COL22A1: variants seen among roughly 807,000 people sequenced by gnomAD.
The protein encoded by COL22A1 is collagen type XXII alpha 1 chain.
In COL22A1, 221 loss-of-function variants were observed where a neutral mutation model predicts 248.9. The observed-to-expected ratio is 0.89, with a 90% CI of 0.80 to 0.99. The LOEUF is 0.99. Among genes scored for constraint, COL22A1 ranks in the 50% least tolerant of loss-of-function variants. COL22A1 has a pLI of 0.00. For synonymous variants in COL22A1, 891 were observed against 793.4 expected (o/e 1.12, Z -2.07); for missense variants, 2,240 against 2,179.0 (o/e 1.03, Z -0.56).
intron 31 of COL22A1, among the ~76,000 whole-genome samples, chr8:138,703,097 G>T (rs1419424575): frequency 6.6e-6 from 1 of 152,176 alleles, no homozygotes; most frequent in Non-Finnish European, 1.5e-5. Context: ...ATAAATAATT[G>T]TGCTTTTGCT....
At chr8:138,765,901 A>T (rs781507641) in intron 16 of COL22A1, among the ~76,000 whole-genome samples, 2 of 152,188 alleles carry the variant, frequency 1.3e-5, no homozygotes, top group Non-Finnish European at 2.9e-5. Flanking sequence ...AGACAGTGTG[A>T]GAGTAAGCTG....
At chr8:138,740,680 A>G (rs577548642) in intron 22 of COL22A1, among the ~76,000 whole-genome samples, 13 of 152,322 alleles carry the variant, frequency 8.5e-5, no homozygotes, top group South Asian at 8.3e-4. Flanking sequence ...AAACACATCT[A>G]TGGAAGCAGA....
intron 3 of COL22A1, among the ~76,000 whole-genome samples, chr8:138,865,503 ATGTT>A (rs1178278127): frequency 4.9e-5 from 7 of 143,222 alleles, no homozygotes; most frequent in Non-Finnish European, 1.0e-4. Context: ...ATGTGTGTGT[ATGTT>A]TGTATGCCTG....
Position 138,669,716 on chromosome 8 carries a change from G to T in COL22A1, c.3151-5976C>A, listed in dbSNP as rs1188165451. On this transcript the variant is annotated intron_variant, in intron 41 of 64. Coordinates refer to ENST00000303045, the MANE Select transcript of COL22A1 (RefSeq NM_152888.3). ...TGGACTGCCGGGAAGACCAGGGAAG[G>T]CAGTGGCATGTCAAGCCAAGTGCCC... Among the ~76,000 whole-genome samples, 3 of 152,146 alleles carry T rather than the reference G, an allele frequency of 2.0e-5. No homozygotes were observed. In the East Asian group the frequency reaches 5.8e-4, roughly 29 times the overall value.
In COL22A1 at chr8:138,591,447, T is replaced by A; in HGVS notation, c.4670A>T (p.Glu1557Val). The change falls in exon 64 of 65, where the codon GAG becomes GTG. Residue 1557 changes from glutamate to valine, a missense_variant. Glu to Val is a moderately radical substitution (Grantham distance 121, BLOSUM62 -2). Transcript: ENST00000303045. Reference protein sequence around the residue: ...PGAPGVGLRGEMGPPGIPGQP... With the variant: ...PGAPGVGLRGVMGPPGIPGQP... ...ACCTGGGATTCCAGGGGGTCCCATC[T>A]CGCCTCGGAGGCCAACTCCAGGTGC... The A allele has an allele frequency of 6.3e-7, 1 of 1,581,850 alleles. No homozygotes were observed. Among genetic ancestry groups the A allele is most frequent in the Non-Finnish European group, 8.6e-7 (1 of 1,163,922 alleles).
chr8:138,752,954 C>T (rs900205260), intron 21 of COL22A1, among the ~76,000 whole-genome samples: 2 of 152,218 alleles, frequency 1.3e-5, no homozygotes, highest in Admixed American at 6.5e-5. Context: ...CTCCATGGGG[C>T]TCTGCCTCAG....
chr8:138,832,971 G>A (rs1483864008), intron 5 of COL22A1, 68 bp downstream of exon 5: 27 of 1,039,694 alleles, frequency 2.6e-5, no homozygotes, highest in East Asian at 1.9e-4. Flanking sequence ...GAAACAGGCT[G>A]CTGGGCCCCT....
chr8:138,669,480 A>C (rs1207999401), intron 41 of COL22A1, among the ~76,000 whole-genome samples: 1 of 152,194 alleles, frequency 6.6e-6, no homozygotes, highest in Non-Finnish European at 1.5e-5. Flanking sequence ...TCCTCCCACC[A>C]TGCCACGAAG....
At position 138,761,059 on chromosome 8, in the gene COL22A1, A is replaced by C. The variant is rs539058527; in HGVS notation, c.1858-772T>G. Among the ~76,000 whole-genome samples the C allele has an allele frequency of 3.9e-5, 6 of 152,292 alleles. No individual in the cohort carries two copies. The South Asian group carries it at 6.2e-4, about 16-fold the overall frequency. ...TAGACATGCGTTCAAGGATGCATGC[A>C]AAGCACCCTCACTTCCTCTGTACTC... is the stretch of plus-strand genomic sequence containing the variant. On this transcript the variant is annotated intron_variant, in intron 17 of 64. Transcript: ENST00000303045.
intron 61 of COL22A1, among the ~76,000 whole-genome samples, chr8:138,598,200 A>G (rs1252752255): frequency 6.6e-6 from 1 of 152,034 alleles, no homozygotes; most frequent in Admixed American, 6.6e-5. Context: ...AACCATCATC[A>G]CTCTAAATAA....
intron 18 of COL22A1, among the ~76,000 whole-genome samples, chr8:138,759,772 T>C (rs889296485): frequency 1.3e-5 from 2 of 152,162 alleles, no homozygotes; most frequent in African/African-American, 4.8e-5. Context: ...CCTTATTTTG[T>C]TTTTCAAATA....
chr8:138,910,589 T>C (rs913521014), intron 1 of COL22A1, among the ~76,000 whole-genome samples: 1 of 152,192 alleles, frequency 6.6e-6, no homozygotes, highest in African/African-American at 2.4e-5. Flanking sequence ...GCAGTTATCT[T>C]TATCTGGTAA....
intron 1 of COL22A1, among the ~76,000 whole-genome samples, chr8:138,891,433 C>T (rs1431677053): frequency 6.6e-6 from 1 of 152,226 alleles, no homozygotes; most frequent in Non-Finnish European, 1.5e-5. Flanking sequence ...CGCCAAAGCC[C>T]CTGCTCTTCC....
chr8:138,665,012 A>C (rs957139638), intron 41 of COL22A1, among the ~76,000 whole-genome samples: 1 of 152,226 alleles, frequency 6.6e-6, no homozygotes, highest in Non-Finnish European at 1.5e-5. Context: ...CCGAGAGAGC[A>C]AAATGATTTC....
intron 16 of COL22A1, among the ~76,000 whole-genome samples, chr8:138,774,251 T>A (rs1814173184): frequency 6.6e-6 from 1 of 152,052 alleles, no homozygotes; most frequent in South Asian, 2.1e-4. Context: ...CCCGCCTCCC[T>A]GAATGAAAAG....
chr8:138,776,230 G>T (rs543395961), intron 15 of COL22A1, among the ~76,000 whole-genome samples: 1 of 152,176 alleles, frequency 6.6e-6, no homozygotes, highest in Non-Finnish European at 1.5e-5. Flanking sequence ...AGAGTGAGAC[G>T]TGAGTTCCTG....
chr8:138,678,496 A>G (rs1825732547), intron 40 of COL22A1, among the ~76,000 whole-genome samples: 1 of 152,152 alleles, frequency 6.6e-6, no homozygotes, highest in Admixed American at 6.5e-5. Flanking sequence ...TATGATATGA[A>G]TGGTTCTTGG....
chr8:138,627,478 G>C (rs961841303), intron 50 of COL22A1, among the ~76,000 whole-genome samples: 1 of 152,186 alleles, frequency 6.6e-6, no homozygotes, highest in Admixed American at 6.5e-5. Flanking sequence ...TTTAAACTCA[G>C]GTGAGGAGAG....
At chr8:138,880,545 C>T (rs1824119948) in intron 2 of COL22A1, among the ~76,000 whole-genome samples, 1 of 152,188 alleles carries the variant, frequency 6.6e-6, no homozygotes, top group Non-Finnish European at 1.5e-5. Context: ...AAATGCTTCC[C>T]TATGTGACCC....
Sources: gnomAD v4.1 joint callset for allele counts (sites outside exome capture counted in the v4.1 genomes callset) on GRCh38, gnomAD v4.1.1 for gene constraint, MANE v1.5 for transcripts, NCBI Gene and HGNC (gene_info 2026-07-23, HGNC 2026-07-21) for gene names.